GDA: variants seen among roughly 807,000 people sequenced by gnomAD.
GDA encodes guanine deaminase.
In GDA, 18 loss-of-function variants were observed where a neutral mutation model predicts 59.6. The observed-to-expected ratio is 0.30, with a 90% confidence interval of 0.21 to 0.45. The LOEUF (loss-of-function observed/expected upper bound fraction) is 0.45. Ranked by LOEUF, GDA falls within the 20% of genes least tolerant of loss-of-function variation. The pLI, the probability that GDA is intolerant of heterozygous loss-of-function variation, is 1.00. For synonymous variants in GDA, 201 were observed against 201.1 expected (o/e 1.00, Z 0.00); for missense variants, 427 against 552.3 (o/e 0.77, Z 2.27).
intron 1 of GDA, among the ~76,000 whole-genome samples, chr9:72,176,090 C>CA (rs1416483277): frequency 6.6e-6 from 1 of 152,162 alleles, no homozygotes; most frequent in African/African-American, 2.4e-5. Flanking sequence ...TAAGAGGTCC[C>CA]AGGCAAGATG....
Position 72,247,474 on chromosome 9 carries a change from C to T in GDA, c.1294+41C>T, listed in dbSNP as rs191573551. On this transcript the variant is annotated intron_variant, in intron 13 of 13. Coordinates refer to ENST00000358399, the MANE Select transcript of GDA (RefSeq NM_004293.5). ...TCTCTATGCTAAATATTAAATAGAA[C>T]CTTTCCCTGTCTTTTTCTTGGGTAT... 1.1e-4 allele frequency: 115 copies of T among 1,067,770 alleles called. No homozygotes were observed. In the Admixed American group the frequency reaches 1.3e-3, roughly 12 times the overall value. The allele number at this position is 1,067,770 out of a possible 1,614,324, so 66.1% of individuals were successfully genotyped here.
intron 3 of GDA, among the ~76,000 whole-genome samples, chr9:72,204,064 C>T (rs577213296): frequency 5.3e-4 from 81 of 152,300 alleles, no homozygotes; most frequent in African/African-American, 1.9e-3. Context: ...ATCCACCCAC[C>T]TCGGCCTCCC....
At chr9:72,139,855 C>A (rs531760182) in intron 1 of GDA, among the ~76,000 whole-genome samples, 97 of 152,234 alleles carry the variant, frequency 6.4e-4, no homozygotes, top group African/African-American at 2.3e-3. Flanking sequence ...ATCATGTATT[C>A]TACTATATTT....
At chr9:72,135,878 T>G (rs1826207005) in intron 1 of GDA, among the ~76,000 whole-genome samples, 1 of 152,042 alleles carries the variant, frequency 6.6e-6, no homozygotes, top group African/African-American at 2.4e-5. Context: ...CCCAAAGTGC[T>G]GGGATTACAG....
intron 10 of GDA, among the ~76,000 whole-genome samples, chr9:72,232,345 G>A (rs879612212): frequency 9.2e-5 from 14 of 152,160 alleles, no homozygotes; most frequent in Admixed American, 2.0e-4. Flanking sequence ...ACAATAATAC[G>A]CATAATGATT....
chr9:72,148,887 T>C (rs547181732), upstream of GDA, among the ~76,000 whole-genome samples: 39 of 152,282 alleles, frequency 2.6e-4, no homozygotes, highest in South Asian at 6.2e-3. Flanking sequence ...GAAAAATTGG[T>C]ATTGGAATTG....
At chr9:72,202,309 A>G (rs567552454) in intron 2 of GDA, among the ~76,000 whole-genome samples, 15 of 152,120 alleles carry the variant, frequency 9.9e-5, no homozygotes, top group Non-Finnish European at 2.1e-4. Flanking sequence ...CTTCTGCTCA[A>G]TGCTGTGTTT....
intron 1 of GDA, among the ~76,000 whole-genome samples, chr9:72,127,168 T>C (rs925661808): frequency 6.6e-6 from 1 of 152,060 alleles, no homozygotes; most frequent in Non-Finnish European, 1.5e-5. Flanking sequence ...CTATATGTAA[T>C]GGACTACTAA....
At chr9:72,121,814 G>T (rs1825672162) in intron 1 of GDA, among the ~76,000 whole-genome samples, 2 of 152,052 alleles carry the variant, frequency 1.3e-5, no homozygotes, top group African/African-American at 4.8e-5. Flanking sequence ...ACTGCTCTTG[G>T]CAACATCACC....
chr9:72,135,650 C>T (rs1826195091), intron 1 of GDA, among the ~76,000 whole-genome samples: 1 of 152,088 alleles, frequency 6.6e-6, no homozygotes, highest in Admixed American at 6.5e-5. Context: ...GAATAGTTGG[C>T]CTGGCGCGGT....
At chr9:72,151,362 T>C (rs1210030019) in intron 1 of GDA, among the ~76,000 whole-genome samples, 1 of 152,186 alleles carries the variant, frequency 6.6e-6, no homozygotes, top group Non-Finnish European at 1.5e-5. Context: ...TTGCTAACTG[T>C]TGCTCTCCTC....
intron 10 of GDA, among the ~76,000 whole-genome samples, chr9:72,236,811 A>G (rs1266107533): frequency 7.7e-6 from 1 of 130,100 alleles, no homozygotes; most frequent in Non-Finnish European, 1.6e-5. Context: ...ATGGAGTATC[A>G]TTCTGTCTCC....
chr9:72,211,456 G>A (rs181710075), intron 4 of GDA, among the ~76,000 whole-genome samples: 192 of 152,328 alleles, frequency 1.3e-3, no homozygotes, highest in African/African-American at 4.4e-3. Context: ...CTGGATTCGG[G>A]TTGATGATTC....
chr9:72,193,142 T>A (rs1832758058), intron 1 of GDA, among the ~76,000 whole-genome samples: 1 of 149,930 alleles, frequency 6.7e-6, no homozygotes, highest in Admixed American at 6.7e-5. Flanking sequence ...CTTTATTTAG[T>A]TCATTTGGTT....
chr9:72,182,028 G>A (rs141434420), intron 1 of GDA, among the ~76,000 whole-genome samples: 65 of 151,864 alleles, frequency 4.3e-4, no homozygotes, highest in Non-Finnish European at 7.5e-4. Flanking sequence ...ACACATGCAC[G>A]CACACACACA....
At chr9:72,117,891 T>C (rs959761811) in intron 1 of GDA, among the ~76,000 whole-genome samples, 2 of 152,164 alleles carry the variant, frequency 1.3e-5, no homozygotes, top group Admixed American at 6.5e-5. Flanking sequence ...GGTCAGCTAC[T>C]CCGGGATAAT....
intron 1 of GDA, among the ~76,000 whole-genome samples, chr9:72,174,476 G>C (rs1026758251): frequency 2.0e-5 from 3 of 152,166 alleles, no homozygotes; most frequent in Non-Finnish European, 4.4e-5. Flanking sequence ...GGTGCAGAAA[G>C]TTTAAGTGAT....
chr9:72,187,126 T>C (rs1481594125), intron 1 of GDA, among the ~76,000 whole-genome samples: 1 of 152,216 alleles, frequency 6.6e-6, no homozygotes, highest in Non-Finnish European at 1.5e-5. Flanking sequence ...GGAGTAAAGA[T>C]GAAAGTGGAG....
At chr9:72,139,011 T>G (rs142436487) in intron 1 of GDA, among the ~76,000 whole-genome samples, 4 of 152,362 alleles carry the variant, frequency 2.6e-5, no homozygotes, top group Non-Finnish European at 5.9e-5. Context: ...TTTCGTGTTA[T>G]ATTGTTTTTA....
Sources: gnomAD v4.1 joint callset for allele counts (sites outside exome capture counted in the v4.1 genomes callset) on GRCh38, gnomAD v4.1.1 for gene constraint, MANE v1.5 for transcripts, NCBI Gene and HGNC (gene_info 2026-07-23, HGNC 2026-07-21) for gene names.